Variants in ADCYAP1R1 observed in about 807,000 individuals in gnomAD.
ADCYAP1R1 encodes pituitary adenylate cyclase-activating polypeptide type I receptor.
ADCYAP1R1 carries 44 observed loss-of-function variants against 67.6 expected under a neutral mutation model. The ratio of observed to expected loss-of-function variants is 0.65; its 90% CI spans 0.51 to 0.84. The LOEUF (loss-of-function observed/expected upper bound fraction) is 0.84, where lower values mean the gene tolerates loss of function less well. ADCYAP1R1 is among the 40% of genes least tolerant of loss of function. ADCYAP1R1 has a pLI of 0.00. For missense variants in ADCYAP1R1, 477 were observed against 587.9 expected, an observed-to-expected ratio of 0.81 and a Z score of 1.95; for synonymous variants, 222 against 219.6, an observed-to-expected ratio of 1.01 and a Z score of -0.10.
intron 3 of ADCYAP1R1, among the ~76,000 whole-genome samples, chr7:31,073,075 A>T (rs1380197479): frequency 6.6e-6 from 1 of 152,238 alleles, no homozygotes; most frequent in Non-Finnish European, 1.5e-5. Flanking sequence ...CCCATTTCAG[A>T]CTTCTGACCT....
intron 3 of ADCYAP1R1, among the ~76,000 whole-genome samples, chr7:31,068,871 T>C (rs895421157): frequency 1.3e-5 from 2 of 152,182 alleles, no homozygotes; most frequent in Non-Finnish European, 2.9e-5. Flanking sequence ...TCTTCCCCCA[T>C]TGAACCTTCA....
chr7:31,064,364 G>A (rs1023839283), intron 2 of ADCYAP1R1, among the ~76,000 whole-genome samples: 4 of 152,164 alleles, frequency 2.6e-5, no homozygotes, highest in African/African-American at 9.7e-5. Flanking sequence ...GGCCTCCTGG[G>A]TTCGAATCCT....
chr7:31,103,635 C>T (rs948800786), intron 14 of ADCYAP1R1, among the ~76,000 whole-genome samples: 1 of 152,198 alleles, frequency 6.6e-6, no homozygotes, highest in African/African-American at 2.4e-5. Context: ...TCCCAGCAGC[C>T]TGGGGTGCAG....
chr7:31,058,145 G>A (rs1289458363), intron 1 of ADCYAP1R1, among the ~76,000 whole-genome samples: 1 of 152,236 alleles, frequency 6.6e-6, no homozygotes, highest in Non-Finnish European at 1.5e-5. Flanking sequence ...CCAGACGCTG[G>A]AGTGGGGCAA....
At chr7:31,063,033 C>T (rs1562627893) in intron 1 of ADCYAP1R1, among the ~76,000 whole-genome samples, 161 bp from the exon 2 acceptor site, 1 of 152,162 alleles carries the variant, frequency 6.6e-6, no homozygotes, top group Non-Finnish European at 1.5e-5. Context: ...GTTTGCAGGG[C>T]AGAAGAAGAA....
rs1019483400 is a variant in ADCYAP1R1, at chr7:31,106,758, T to G, written c.*74T>G. The G allele has an allele frequency of 3.4e-6, 5 of 1,465,568 alleles. No homozygotes were observed. Among genetic ancestry groups the G allele is most frequent in the Non-Finnish European group, 3.6e-6 (4 of 1,103,564 alleles). The allele number at this position is 1,465,568 out of a possible 1,614,324, so 90.8% of individuals were successfully genotyped here. ...AGGCAGGTGCCAGCCCACGCATGTT[T>G]GCGCCTCTTCCCTCCCCTTGGGCAG... On this transcript the variant is annotated 3_prime_UTR_variant, in exon 16 of 16. Coordinates refer to ENST00000304166, the MANE Select transcript of ADCYAP1R1 (RefSeq NM_001118.5).
intron 6 of ADCYAP1R1, 79 bp downstream of exon 6, chr7:31,081,833 T>G: frequency 6.5e-6 from 8 of 1,231,234 alleles, no homozygotes; most frequent in Non-Finnish European, 9.2e-6. Context: ...GAGAACCCCA[T>G]CCCAGGCTGG....
intron 1 of ADCYAP1R1, among the ~76,000 whole-genome samples, chr7:31,055,294 A>C (rs1249668754): frequency 6.6e-6 from 1 of 151,920 alleles, no homozygotes; most frequent in Non-Finnish European, 1.5e-5. Flanking sequence ...TTCATTAATA[A>C]AAGTCCAGCT....
chr7:31,057,712 G>T (rs1031273997), intron 1 of ADCYAP1R1, among the ~76,000 whole-genome samples: 2 of 152,234 alleles, frequency 1.3e-5, no homozygotes, highest in African/African-American at 2.4e-5. Flanking sequence ...CCTTTGAGGG[G>T]TGAGTGGGAG....
At chr7:31,085,510 AG>A in intron 9 of ADCYAP1R1, 68 bp downstream of exon 9, 1 of 1,533,762 alleles carries the variant, frequency 6.5e-7, no homozygotes, top group East Asian at 2.3e-5. Flanking sequence ...TTGGTTCCCC[AG>A]GACGCACATT....
intron 13 of ADCYAP1R1, among the ~76,000 whole-genome samples, chr7:31,099,954 G>A (rs867575987): frequency 6.6e-6 from 1 of 152,208 alleles, no homozygotes; most frequent in African/African-American, 2.4e-5. Flanking sequence ...ATAGGCGTGC[G>A]TTTCTCTGTC....
intron 15 of ADCYAP1R1, 50 bp from the exon 16 acceptor site, chr7:31,106,446 G>A (rs1328126083): frequency 2.6e-6 from 4 of 1,558,032 alleles, no homozygotes; most frequent in Non-Finnish European, 3.5e-6. Context: ...GGGCCTGGAG[G>A]CTGCAGAGGA....
chr7:31,096,484 G>A (rs1200507251), intron 13 of ADCYAP1R1, among the ~76,000 whole-genome samples: 3 of 152,200 alleles, frequency 2.0e-5, no homozygotes, highest in African/African-American at 4.8e-5. Flanking sequence ...GGGGCTGGCA[G>A]TAGGGACTAG....
chr7:31,068,268 C>T (rs1794833945), intron 3 of ADCYAP1R1, among the ~76,000 whole-genome samples: 1 of 152,274 alleles, frequency 6.6e-6, no homozygotes, highest in East Asian at 1.9e-4. Flanking sequence ...CCTCACCAGC[C>T]TATGGGCTGG....
At chr7:31,096,044 T>G (rs1796181175) in intron 13 of ADCYAP1R1, among the ~76,000 whole-genome samples, 1 of 152,116 alleles carries the variant, frequency 6.6e-6, no homozygotes, top group Admixed American at 6.6e-5. Flanking sequence ...GGGGTTGGCA[T>G]TAAGCCTCGG....
chr7:31,059,571 T>C (rs76820674), intron 1 of ADCYAP1R1, among the ~76,000 whole-genome samples: 4,609 of 152,218 alleles, frequency 0.03, 235 homozygotes, highest in African/African-American at 0.1. Flanking sequence ...GTGGTGGGGC[T>C]TGGCCTGTCC....
At chr7:31,056,697 C>T (rs1344938173) in intron 1 of ADCYAP1R1, among the ~76,000 whole-genome samples, 1 of 152,172 alleles carries the variant, frequency 6.6e-6, no homozygotes, top group Non-Finnish European at 1.5e-5. Context: ...CACTTTCCCC[C>T]TTCATCTCTG....
intron 2 of ADCYAP1R1, among the ~76,000 whole-genome samples, 153 bp from the exon 3 acceptor site, chr7:31,064,678 T>G (rs567769416): frequency 9.9e-5 from 15 of 152,124 alleles, no homozygotes; most frequent in Non-Finnish European, 2.2e-4. Flanking sequence ...AAGGTGAATG[T>G]CAGGGCCCCT....
In ADCYAP1R1 at chr7:31,086,583, G is replaced by A. The variant is rs1319069734; in HGVS notation, c.823+46G>A. ...TGGACAGGTTCAGGTCCCGTGGTCA[G>A]GTGTGTCCAGGTGTGTCTTTGGTTC... On this transcript the variant is annotated intron_variant, in intron 10 of 15. Coordinates refer to ENST00000304166, the MANE Select transcript of ADCYAP1R1 (RefSeq NM_001118.5). The surrounding 1 kb of genome is among the most constrained non-coding windows in gnomAD (Gnocchi z 5.0). 1.9e-6 allele frequency: 3 copies of A among 1,603,004 alleles called. No individual in the cohort carries two copies. Among genetic ancestry groups the A allele is most frequent in the Admixed American group, 3.4e-5 (2 of 59,276 alleles).
Sources: gnomAD v4.1 joint callset for allele counts (sites outside exome capture counted in the v4.1 genomes callset) on GRCh38, gnomAD v4.1.1 for gene constraint, Gnocchi (gnomAD v3.1) non-coding constraint, MANE v1.5 for transcripts, NCBI Gene and HGNC (gene_info 2026-07-23, HGNC 2026-07-21) for gene names.